The following RBM6 variants were observed in gnomAD, a reference collection of about 807,000 sequenced individuals.
RBM6 encodes RNA-binding protein 6.
In RBM6, 23 loss-of-function variants were observed where a neutral mutation model predicts 140.4. That is an observed-to-expected ratio of 0.16 (90% CI 0.12 to 0.23). RBM6 has a LOEUF of 0.23. RBM6 is among the 10% of genes least tolerant of loss of function. The pLI is 1.00. For missense variants in RBM6, 1,139 were observed against 1,386.7 expected, an observed-to-expected ratio of 0.82 and a Z score of 2.84; for synonymous variants, 439 against 475.6, an observed-to-expected ratio of 0.92 and a Z score of 1.00.
chr3:49,981,167 TG>T (rs1168125718), intron 5 of RBM6, among the ~76,000 whole-genome samples: 1 of 152,178 alleles, frequency 6.6e-6, no homozygotes, highest in African/African-American at 2.4e-5. Flanking sequence ...CCCAAAGTGC[TG>T]GGATTACAGG....
chr3:50,052,706 A>T (rs965689311), intron 7 of RBM6, among the ~76,000 whole-genome samples: 1 of 152,184 alleles, frequency 6.6e-6, no homozygotes, highest in Non-Finnish European at 1.5e-5. Flanking sequence ...GTCAGGGACT[A>T]TGGGTTGTTT....
At chr3:50,066,925 C>T (rs567872459) in intron 17 of RBM6, among the ~76,000 whole-genome samples, 16 of 151,950 alleles carry the variant, frequency 1.1e-4, no homozygotes, top group Non-Finnish European at 1.9e-4. Context: ...TGGTTTACAC[C>T]TGTAATCCCA....
chr3:50,034,848 TC>T (rs1056212154), intron 6 of RBM6, among the ~76,000 whole-genome samples: 2 of 152,220 alleles, frequency 1.3e-5, no homozygotes, highest in Admixed American at 1.3e-4. Flanking sequence ...AGGGCAGTTT[TC>T]CTTCTAAGGA....
At chr3:50,017,447 A>G (rs1263023578) in intron 6 of RBM6, among the ~76,000 whole-genome samples, 5 of 151,654 alleles carry the variant, frequency 3.3e-5, no homozygotes, top group Non-Finnish European at 7.4e-5. Flanking sequence ...AGTCCCAGCT[A>G]TGTGGGAGGC....
intron 2 of RBM6, among the ~76,000 whole-genome samples, chr3:49,965,977 T>C (rs1291131075): frequency 6.9e-6 from 1 of 145,736 alleles, no homozygotes; most frequent in Non-Finnish European, 1.6e-5. Flanking sequence ...AATAAAAAAA[T>C]TAGCTGGGCA....
intron 1 of RBM6, among the ~76,000 whole-genome samples, chr3:49,944,495 G>A (rs915734182): frequency 8.5e-6 from 1 of 117,022 alleles, no homozygotes; most frequent in Non-Finnish European, 1.6e-5. Flanking sequence ...TTTTTTTTGT[G>A]AGACAGTATC....
At chr3:49,945,799 G>A (rs184386359) in intron 1 of RBM6, among the ~76,000 whole-genome samples, 15 of 149,582 alleles carry the variant, frequency 1.0e-4, no homozygotes, top group African/African-American at 3.7e-4. Flanking sequence ...GGAGAATGGC[G>A]TGAACCCGGG....
chr3:50,040,700 AG>A, intron 6 of RBM6, among the ~76,000 whole-genome samples: 1 of 148,944 alleles, frequency 6.7e-6, no homozygotes, highest in South Asian at 2.1e-4. Context: ...TTTGTCACCC[AG>A]GCTGGAATGC....
intron 1 of RBM6, among the ~76,000 whole-genome samples, chr3:49,955,650 C>G (rs999538498): frequency 1.3e-5 from 2 of 151,858 alleles, no homozygotes; most frequent in Non-Finnish European, 2.9e-5. Flanking sequence ...TGAGACCAGC[C>G]TGGCCAACAT....
chr3:50,077,074 G>A lies in RBM6; in HGVS notation c.3313G>A (p.Glu1105Lys). ...SGRTSKRQSN[E>K]TYRDAVRRVM... ...AAGAACCAGCAAAAGACAGTCCAAC[G>A]AGACTTACCGAGATGCTGTTCGAAG... The change falls in exon 21 of 21, where the codon GAG (glutamate) becomes AAG (lysine). Residue 1105 changes from glutamate (E) to lysine (K), a missense_variant. Glu to Lys is a moderately conservative substitution (Grantham distance 56, BLOSUM62 1). Coordinates refer to ENST00000266022, the MANE Select transcript of RBM6 (RefSeq NM_005777.3). The A allele has an allele frequency of 1.2e-6, 2 of 1,613,246 alleles. No individual in the cohort carries two copies. Among genetic ancestry groups the A allele is most frequent in the Non-Finnish European group, 1.7e-6 (2 of 1,179,878 alleles).
chr3:49,941,666 A>AAAAAC (rs2083288512), intron 1 of RBM6, among the ~76,000 whole-genome samples: 2 of 140,306 alleles, frequency 1.4e-5, no homozygotes, highest in African/African-American at 5.2e-5. Flanking sequence ...AAAAAAAAAA[A>AAAAAC]AAAACCCGCA....
In RBM6 at chr3:50,061,998, G is replaced by C; in HGVS notation, c.2476G>C (p.Glu826Gln). The change falls in exon 15 of 21, where the codon GAG (glutamate) becomes CAG (glutamine). Residue 826 changes from glutamate to glutamine, a missense_variant. Around this residue, in one of 9 missense-constraint regions of RBM6, gnomAD observed 163 missense variants for 182.8 expected, o/e 0.89. Transcript: ENST00000266022. ...TGTGCCCCAGGATCCTGGATTACCT[G>C]AGGAAGAAGAGATCAAGGAAAAAAA... ...VYVPQDPGLPEEEEIKEKKPT... is the reference protein window; with the variant it reads ...VYVPQDPGLPQEEEIKEKKPT... 1 of 1,613,934 alleles carries C rather than the reference G, an allele frequency of 6.2e-7. No homozygotes were observed. The highest frequency in any genetic ancestry group is 8.5e-7 in the Non-Finnish European group (1 of 1,179,974).
At chr3:49,986,931 A>G (rs1217408499) in intron 5 of RBM6, among the ~76,000 whole-genome samples, 2 of 151,898 alleles carry the variant, frequency 1.3e-5, no homozygotes, top group African/African-American at 4.8e-5. Context: ...GACTATAGAC[A>G]TGCACCACCA....
At chr3:50,027,487 C>T (rs1374926449) in intron 6 of RBM6, among the ~76,000 whole-genome samples, 1 of 152,194 alleles carries the variant, frequency 6.6e-6, no homozygotes, top group Non-Finnish European at 1.5e-5. Flanking sequence ...AAGAGTCACT[C>T]TCCATTTTCT....
In RBM6 at chr3:50,043,498, A is replaced by AG. The variant is rs1274106576; in HGVS notation, c.1558-4747_1558-4746insG. Among the ~76,000 whole-genome samples the AG allele has an allele frequency of 3.3e-5, 5 of 149,980 alleles. No homozygotes were observed. In the East Asian group the frequency reaches 9.7e-4, roughly 29 times the overall value. On this transcript the variant is annotated intron_variant, in intron 6 of 20. Coordinates refer to ENST00000266022, the MANE Select transcript of RBM6 (RefSeq NM_005777.3). ...GCAAGACCCTGTCTCAAAAAAAAAA[A>AG]AGAGAGATCTATCTCTCTTCTTTTT...
intron 3 of RBM6, among the ~76,000 whole-genome samples, chr3:49,970,059 G>C (rs1354541268): frequency 6.6e-6 from 1 of 152,042 alleles, no homozygotes; most frequent in Non-Finnish European, 1.5e-5. Context: ...TCCTGCCTCA[G>C]CCTCCTGAGT....
chr3:49,970,564 A>G (rs556466977), intron 3 of RBM6, among the ~76,000 whole-genome samples: 1 of 152,308 alleles, frequency 6.6e-6, no homozygotes, highest in African/African-American at 2.4e-5. Context: ...GAGTCTCCCT[A>G]GTTGTGAAGA....
chr3:49,945,048 T>C (rs2083429335), intron 1 of RBM6, among the ~76,000 whole-genome samples: 2 of 151,990 alleles, frequency 1.3e-5, no homozygotes, highest in East Asian at 1.9e-4. Flanking sequence ...GCTAATTTTT[T>C]GTATTTTTAG....
At chr3:49,958,502 G>C (rs2084116025) in intron 1 of RBM6, among the ~76,000 whole-genome samples, 1 of 152,138 alleles carries the variant, frequency 6.6e-6, no homozygotes, top group Non-Finnish European at 1.5e-5. Context: ...CGTCAACCCA[G>C]GAGGCGGAGC....
Sources: gnomAD v4.1 joint callset for allele counts (sites outside exome capture counted in the v4.1 genomes callset) on GRCh38, gnomAD v4.1.1 for gene constraint, gnomAD v4.1.1 regional missense constraint, MANE v1.5 for transcripts, NCBI Gene and HGNC (gene_info 2026-07-23, HGNC 2026-07-21) for gene names.